Variants in SLC35F4 observed in about 807,000 individuals in gnomAD.
SLC35F4 encodes chromosome 14 open reading frame 36.
A neutral mutation model predicts 44.2 loss-of-function variants in SLC35F4; 24 were observed. That is an observed-to-expected ratio of 0.54 (90% CI 0.39 to 0.76). SLC35F4 has a LOEUF of 0.76. SLC35F4 is among the 30% of genes least tolerant of loss of function. The pLI is 0.00. For synonymous variants in SLC35F4, 238 were observed against 223.6 expected, an observed-to-expected ratio of 1.06 and a Z score of -0.57; for missense variants, 562 against 586.1, an observed-to-expected ratio of 0.96 and a Z score of 0.42.
intron 1 of SLC35F4, among the ~76,000 whole-genome samples, chr14:57,875,776 G>A (rs144255568): frequency 6.6e-6 from 1 of 152,308 alleles, no homozygotes; most frequent in East Asian, 1.9e-4. Context: ...GATTGATTAG[G>A]TGGAGAAATG....
At chr14:57,635,272 T>G (rs1190818486) in intron 1 of SLC35F4, among the ~76,000 whole-genome samples, 2 of 148,890 alleles carry the variant, frequency 1.3e-5, no homozygotes, top group Non-Finnish European at 3.0e-5. Flanking sequence ...ACCCCAAATA[T>G]CTGGCTTTTG....
chr14:57,803,796 G>C (rs1880966399), intron 1 of SLC35F4, among the ~76,000 whole-genome samples: 1 of 151,696 alleles, frequency 6.6e-6, no homozygotes, highest in Non-Finnish European at 1.5e-5. Flanking sequence ...CACCACATTG[G>C]CCAGGCTGGT....
At chr14:57,673,109 C>T (rs1480357633) in intron 1 of SLC35F4, among the ~76,000 whole-genome samples, 1 of 152,018 alleles carries the variant, frequency 6.6e-6, no homozygotes, top group Non-Finnish European at 1.5e-5. Context: ...ATTTGAATTA[C>T]TAAATTATAT....
At chr14:57,856,976 A>C (rs1429204341) in intron 1 of SLC35F4, among the ~76,000 whole-genome samples, 1 of 152,030 alleles carries the variant, frequency 6.6e-6, no homozygotes, top group African/African-American at 2.4e-5. Flanking sequence ...TGTGTTTTTT[A>C]AAAATTGCCT....
intron 5 of SLC35F4, among the ~76,000 whole-genome samples, chr14:57,571,101 C>T (rs565876293): frequency 1.3e-4 from 20 of 152,214 alleles, no homozygotes; most frequent in Non-Finnish European, 2.2e-4. Context: ...AGGGTATTTT[C>T]GGCCTTTCAG....
intron 1 of SLC35F4, among the ~76,000 whole-genome samples, chr14:57,716,497 A>G (rs1481688549): frequency 1.3e-5 from 2 of 152,184 alleles, no homozygotes; most frequent in Non-Finnish European, 2.9e-5. Context: ...TATAATAAAG[A>G]TGATTCACTG....
At chr14:57,816,824 A>T (rs1329767764) in intron 1 of SLC35F4, among the ~76,000 whole-genome samples, 1 of 152,208 alleles carries the variant, frequency 6.6e-6, no homozygotes, top group East Asian at 1.9e-4. Flanking sequence ...TGTAGACTAC[A>T]CAGGAGGCAT....
chr14:57,933,886 C>T (rs77137656), intron 1 of SLC35F4, among the ~76,000 whole-genome samples: 11,930 of 151,976 alleles, frequency 0.078, 615 homozygotes, highest in Non-Finnish European at 0.12. Flanking sequence ...AGTCTTGACA[C>T]GAAAAAATAT....
intron 1 of SLC35F4, among the ~76,000 whole-genome samples, chr14:57,907,384 A>C (rs1469408948): frequency 1.3e-5 from 2 of 152,184 alleles, no homozygotes; most frequent in African/African-American, 4.8e-5. Context: ...CAAACCCACA[A>C]TATATATTTC....
chr14:57,895,276 C>G (rs1348183534), intron 1 of SLC35F4, among the ~76,000 whole-genome samples: 1 of 152,126 alleles, frequency 6.6e-6, no homozygotes, highest in Admixed American at 6.6e-5. Flanking sequence ...CCCAGAAACT[C>G]CATGTATTAT....
chr14:57,635,423 T>C (rs1207231974), intron 1 of SLC35F4, among the ~76,000 whole-genome samples: 1 of 152,012 alleles, frequency 6.6e-6, no homozygotes, highest in Non-Finnish European at 1.5e-5. Flanking sequence ...CAGAAATATA[T>C]GACATCCAAG....
chr14:57,940,126 T>C (rs906700585), intron 1 of SLC35F4, among the ~76,000 whole-genome samples: 4 of 152,110 alleles, frequency 2.6e-5, no homozygotes, highest in Admixed American at 2.0e-4. Context: ...TCTGTAGAGT[T>C]AGGAAAGGGT....
intron 1 of SLC35F4, among the ~76,000 whole-genome samples, chr14:57,743,776 A>C (rs2076684726): frequency 6.6e-6 from 1 of 152,212 alleles, no homozygotes; most frequent in South Asian, 2.1e-4. Flanking sequence ...CAACAAAAAA[A>C]CACAATTTTA....
At chr14:57,773,655 C>CAA (rs56929264) in intron 1 of SLC35F4, among the ~76,000 whole-genome samples, 21 of 145,608 alleles carry the variant, frequency 1.4e-4, no homozygotes, top group East Asian at 8.0e-4. Context: ...AGAAAATAGA[C>CAA]AAAAAAAAAA....
At chr14:57,652,880 G>C (rs1308972524) in intron 1 of SLC35F4, among the ~76,000 whole-genome samples, 1 of 152,238 alleles carries the variant, frequency 6.6e-6, no homozygotes, top group Non-Finnish European at 1.5e-5. Flanking sequence ...AACCAAAGCT[G>C]ATGGTTCATC....
chr14:57,831,823 C>A (rs559883893), intron 1 of SLC35F4, among the ~76,000 whole-genome samples: 1 of 152,160 alleles, frequency 6.6e-6, no homozygotes, highest in East Asian at 1.9e-4. Context: ...TTCTAATAAG[C>A]AATGAAGTGA....
intron 1 of SLC35F4, among the ~76,000 whole-genome samples, chr14:57,656,290 A>C (rs1237023799): frequency 6.7e-6 from 1 of 149,806 alleles, no homozygotes; most frequent in African/African-American, 2.5e-5. Context: ...AGGAGCCAGA[A>C]GCCCCCCCAC....
intron 1 of SLC35F4, among the ~76,000 whole-genome samples, chr14:57,885,225 G>A (rs1351490018): frequency 6.6e-6 from 1 of 152,148 alleles, no homozygotes; most frequent in African/African-American, 2.4e-5. Flanking sequence ...ATCACTAGCT[G>A]TGTCACCATG....
At chr14:57,787,287 T>C (rs917302755) in intron 1 of SLC35F4, among the ~76,000 whole-genome samples, 2 of 152,074 alleles carry the variant, frequency 1.3e-5, no homozygotes, top group Admixed American at 6.5e-5. Context: ...AACCTAAGAA[T>C]AATCGGTGTT....
Sources: gnomAD v4.1 joint callset for allele counts (sites outside exome capture counted in the v4.1 genomes callset) on GRCh38, gnomAD v4.1.1 for gene constraint, MANE v1.5 for transcripts, NCBI Gene and HGNC (gene_info 2026-07-23, HGNC 2026-07-21) for gene names.